CAPZB: variants seen among roughly 807,000 people sequenced by gnomAD.
CAPZB encodes the protein capping actin protein of muscle Z-line subunit beta, also known as F-actin-capping protein subunit beta.
CAPZB carries 2 observed loss-of-function variants against 38.1 expected under a neutral mutation model. That is an observed-to-expected ratio of 0.05 (90% confidence interval 0.02 to 0.17). The LOEUF is 0.17. CAPZB is among the 10% of genes least tolerant of loss of function. The pLI is 1.00. For missense variants in CAPZB, 161 were observed against 334.2 expected (o/e 0.48, Z 4.04); for synonymous variants, 107 against 127.4 (o/e 0.84, Z 1.08).
At chr1:19,394,261 C>G (rs185872738) in intron 2 of CAPZB, among the ~76,000 whole-genome samples, 31 of 151,728 alleles carry the variant, frequency 2.0e-4, no homozygotes, top group African/African-American at 7.0e-4. Flanking sequence ...GCTGGGATTA[C>G]AGGCATGAGC....
intron 1 of CAPZB, among the ~76,000 whole-genome samples, chr1:19,421,485 A>G (rs1243431476): frequency 6.6e-6 from 1 of 152,230 alleles, no homozygotes; most frequent in Admixed American, 6.5e-5. Flanking sequence ...CTCCCCTGCA[A>G]AGAGAAAAGA....
chr1:19,358,063 A>G (rs2094031392), intron 4 of CAPZB, among the ~76,000 whole-genome samples: 1 of 152,140 alleles, frequency 6.6e-6, no homozygotes, highest in Non-Finnish European at 1.5e-5. Context: ...ACCTCCTACA[A>G]AGCGCTAGCC....
intron 1 of CAPZB, chr1:19,420,286 C>G (rs2094396274): frequency 6.5e-6 from 1 of 152,726 alleles, no homozygotes; most frequent in Non-Finnish European, 1.5e-5. Context: ...ACACTAAGAC[C>G]TGAACCACAC....
chr1:19,363,941 A>T (rs1301674275), intron 4 of CAPZB, among the ~76,000 whole-genome samples: 2 of 152,212 alleles, frequency 1.3e-5, no homozygotes, highest in Non-Finnish European at 2.9e-5. Flanking sequence ...AGGGCTTTCC[A>T]GCATGAGCCA....
intron 1 of CAPZB, among the ~76,000 whole-genome samples, chr1:19,461,366 G>A (rs1248052613): frequency 6.6e-6 from 1 of 152,200 alleles, no homozygotes; most frequent in Non-Finnish European, 1.5e-5. Context: ...ACCAGGCTCT[G>A]CCTCCTTCTC....
intron 8 of CAPZB, among the ~76,000 whole-genome samples, chr1:19,341,568 A>C (rs1168620058): frequency 1.3e-5 from 2 of 152,200 alleles, no homozygotes; most frequent in Non-Finnish European, 2.9e-5. Context: ...GCAACCTCGA[A>C]TCAGCGCTTG....
At chr1:19,396,738 C>T (rs992533865) in intron 2 of CAPZB, among the ~76,000 whole-genome samples, 2 of 148,318 alleles carry the variant, frequency 1.3e-5, no homozygotes, top group African/African-American at 5.0e-5. Flanking sequence ...GCCAGGAGTT[C>T]GAGACCAGCC....
chr1:19,408,047 C>T (rs150866732), intron 2 of CAPZB, among the ~76,000 whole-genome samples: 1 of 152,314 alleles, frequency 6.6e-6, no homozygotes, highest in East Asian at 1.9e-4. Flanking sequence ...TGACTATCTA[C>T]AAGGCCTCAA....
rs185874235 is a variant in CAPZB at position 19,449,799 on chromosome 1, A to G, written c.4-30049T>C. ...AGTCTGTCTCAAAAAAAAAAAAAAA[A>G]AGAGAGAGACAGAGAGAAAGAAAGA... is the stretch of plus-strand genomic sequence containing the variant. On this transcript the variant is annotated intron_variant, in intron 1 of 8. Transcript: ENST00000264202. Among the ~76,000 whole-genome samples the G allele has an allele frequency of 0.01, 1,520 of 150,542 alleles. 51 individuals are homozygous for G. In the East Asian group the frequency reaches 0.11, roughly 11 times the overall value.
rs183051924 is a variant in CAPZB at position 19,467,301 on chromosome 1, C to T, written c.3+18135G>A. ...GACAGCCACACTGGGCTCATTCCTG[C>T]AGTGCAGCAGGCTAAAGCAAGAAGG... On this transcript the variant is annotated intron_variant, in intron 1 of 8. Transcript: ENST00000264202. Among the ~76,000 whole-genome samples, 37 of 152,316 alleles carry T rather than the reference C, an allele frequency of 2.4e-4. No individual in the cohort carries two copies. In the East Asian group the frequency reaches 5.4e-3, roughly 22 times the overall value.
At chr1:19,404,022 C>T (rs1177967056) in intron 2 of CAPZB, among the ~76,000 whole-genome samples, 1 of 151,420 alleles carries the variant, frequency 6.6e-6, no homozygotes, top group Non-Finnish European at 1.5e-5. Flanking sequence ...CACTTGAGGT[C>T]GGGAGTTTGA....
rs547777815 is a variant in CAPZB, at chr1:19,460,436, C to T, written c.3+25000G>A. Among the ~76,000 whole-genome samples, 27 of 152,260 alleles carry T rather than the reference C, an allele frequency of 1.8e-4. No individual in the cohort carries two copies. The South Asian group carries it at 5.0e-3, about 28-fold the overall frequency. On this transcript the variant is annotated intron_variant, in intron 1 of 8. Transcript: ENST00000264202. ...GGACTACAGGTGCCCGCCACCGCGC[C>T]CGGCTAATTTTTTGTATTTTTAGTA...
Position 19,405,086 on chromosome 1 carries a change from C to CT in CAPZB, c.93+14574_93+14575insA, listed in dbSNP as rs1410225411. Among the ~76,000 whole-genome samples the CT allele has an allele frequency of 4.6e-5, 7 of 152,276 alleles. No homozygotes were observed. The South Asian group carries it at 6.2e-4, about 14-fold the overall frequency. On this transcript the variant is annotated intron_variant, in intron 2 of 8. Transcript: ENST00000264202. ...CCTTGAGTCCCAGGGGCTGAGGTCT[C>CT]CTGAGTCATAGCTCAGCTCCAAGAG...
chr1:19,350,047 G>A (rs1045745878), intron 6 of CAPZB, among the ~76,000 whole-genome samples: 6 of 152,238 alleles, frequency 3.9e-5, no homozygotes, highest in Admixed American at 6.5e-5. Context: ...GTCTGAAGCC[G>A]GAGCCTGGCC....
Position 19,357,426 on chromosome 1 carries a change from ACTTCTACCACGTGGATGGAATCC to A in CAPZB, c.444_466del (p.Trp148CysfsTer46). 1 of 1,613,824 alleles carries A rather than the reference ACTTCTACCACGTGGATGGAATCC, an allele frequency of 6.2e-7. No individual in the cohort carries two copies. The highest frequency in any genetic ancestry group is 8.5e-7 in the Non-Finnish European group (1 of 1,179,974). ...CCAGCTGCTGGGAGGCAGTACCTGC[ACTTCTACCACGTGGATGGAATCC>A]CAGCAGCCTTTGATCTTCTTTGATC... On this transcript the variant is annotated frameshift_variant, in exon 5 of 9. Transcript: ENST00000264202. LOFTEE classifies it high-confidence loss of function. The surrounding 1 kb of genome is among the most constrained non-coding windows in gnomAD (Gnocchi z 4.3).
At chr1:19,445,071 C>A (rs545978387) in intron 1 of CAPZB, among the ~76,000 whole-genome samples, 3 of 152,224 alleles carry the variant, frequency 2.0e-5, no homozygotes, top group Non-Finnish European at 2.9e-5. Flanking sequence ...CCCACGAGAT[C>A]TTTGACACAA....
rs542930189 is a variant in CAPZB at position 19,414,446 on chromosome 1, C to A, written c.93+5215G>T. 4.6e-5 allele frequency among the ~76,000 whole-genome samples: 7 copies of A among 152,320 alleles called. 1 individual carries two copies. The South Asian group carries it at 1.4e-3, about 32-fold the overall frequency. Reference sequence around the variant, plus strand: ...CTCACTGGCCTGGATACTTTCCCAGCCCTGATGTCTTCCCCTTGATAGAGT... The same window carrying A: ...CTCACTGGCCTGGATACTTTCCCAGACCTGATGTCTTCCCCTTGATAGAGT... On this transcript the variant is annotated intron_variant, in intron 2 of 8. Coordinates refer to ENST00000264202, the MANE Select transcript of CAPZB (RefSeq NM_004930.5).
intron 6 of CAPZB, among the ~76,000 whole-genome samples, chr1:19,352,533 T>C (rs2093997180): frequency 6.6e-6 from 1 of 152,230 alleles, no homozygotes; most frequent in Non-Finnish European, 1.5e-5. Flanking sequence ...TTTCAACATT[T>C]TGGAACTTGG....
chr1:19,458,887 A>G (rs1360106621), intron 1 of CAPZB, among the ~76,000 whole-genome samples: 6 of 152,250 alleles, frequency 3.9e-5, no homozygotes, highest in Admixed American at 3.3e-4. Flanking sequence ...TTTAAGCCCA[A>G]TTCTGAAAAA....
Sources: gnomAD v4.1 joint callset for allele counts (sites outside exome capture counted in the v4.1 genomes callset) on GRCh38, gnomAD v4.1.1 for gene constraint, Gnocchi (gnomAD v3.1) non-coding constraint, MANE v1.5 for transcripts, NCBI Gene and HGNC (gene_info 2026-07-23, HGNC 2026-07-21) for gene names.